AVL9: variants seen among roughly 807,000 people sequenced by gnomAD.
AVL9 encodes AVL9 cell migration associated.
A neutral mutation model predicts 79.2 loss-of-function variants in AVL9; 49 were observed. The observed-to-expected ratio is 0.62, with a 90% CI of 0.49 to 0.79. The LOEUF is 0.79. Among genes scored for constraint, AVL9 ranks in the 30% least tolerant of loss-of-function variants. The probability of loss-of-function intolerance (pLI) is 0.00; values close to 1 mark genes in which losing one functional copy is unlikely to be tolerated. For synonymous variants in AVL9, 299 were observed against 280.6 expected (o/e 1.07, Z -0.65); for missense variants, 682 against 776.8 (o/e 0.88, Z 1.45).
chr7:32,538,991 C>G (rs887867511), intron 1 of AVL9: 3 of 152,168 alleles, frequency 2.0e-5, no homozygotes, highest in Admixed American at 1.3e-4. Flanking sequence ...AGTGCTCACG[C>G]CTATAATCCC....
At chr7:32,543,546 A>G (rs1789315589) in intron 2 of AVL9, among the ~76,000 whole-genome samples, 1 of 151,994 alleles carries the variant, frequency 6.6e-6, no homozygotes, top group South Asian at 2.1e-4. Flanking sequence ...TATACTTCAT[A>G]CTCCTCAGAG....
chr7:32,548,306 C>T (rs1159380366), intron 3 of AVL9, among the ~76,000 whole-genome samples: 1 of 152,030 alleles, frequency 6.6e-6, no homozygotes, highest in Non-Finnish European at 1.5e-5. Flanking sequence ...TGCCACCACA[C>T]CTGGCTGATT....
rs1400246970 is a variant in AVL9, at chr7:32,558,944, G to A, written c.695G>A (p.Gly232Asp). Residue 232 changes from glycine (G) to aspartate (D), a missense_variant, in exon 10 of 16, where the codon GGT (glycine) becomes GAT (aspartate). By Grantham distance (94) the Gly-to-Asp change is moderately conservative. Coordinates refer to ENST00000318709, the MANE Select transcript of AVL9 (RefSeq NM_015060.3). ...LSLFPGMIEH[G>D]LSDCSQYRPR... ...CATATTTTAGGCATGATTGAACATG[G>A]TCTCAGTGACTGTTCTCAGTATAGA... is the stretch of plus-strand genomic sequence containing the variant. 1 of 1,585,400 alleles carries A rather than the reference G, an allele frequency of 6.3e-7. No individual in the cohort carries two copies. Among genetic ancestry groups the A allele is most frequent in the Non-Finnish European group, 8.6e-7 (1 of 1,167,862 alleles).
At chr7:32,526,650 G>A (rs1183918750) in intron 1 of AVL9, among the ~76,000 whole-genome samples, 1 of 152,100 alleles carries the variant, frequency 6.6e-6, no homozygotes, top group Non-Finnish European at 1.5e-5. Context: ...CCAGTTTGGA[G>A]GGTGCATCCT....
chr7:32,576,071 A>G lies in AVL9; in HGVS notation c.1687A>G (p.Asn563Asp). The G allele has an allele frequency of 6.2e-7, 1 of 1,604,210 alleles. No individual in the cohort carries two copies. Among genetic ancestry groups the G allele is most frequent in the Non-Finnish European group, 8.5e-7 (1 of 1,171,050 alleles). Residue 563 changes from asparagine (N) to aspartate (D), a missense_variant and splice_region_variant, in exon 13 of 16, where the codon AAC becomes GAC. Coordinates refer to ENST00000318709, the MANE Select transcript of AVL9 (RefSeq NM_015060.3). ...TCCAGCACTTGCAGAAATAAATCCAAAGTAAGCGCGTCCTCTGAAGATTGA... is the reference window on the plus strand; with the variant it reads ...TCCAGCACTTGCAGAAATAAATCCAGAGTAAGCGCGTCCTCTGAAGATTGA... ...KHPALAEINP[N>D]HPFQGQYSVS... is the part of the protein sequence containing the mutation.
At chr7:32,581,221 T>G in intron 15 of AVL9, 1 of 232,272 alleles carries the variant, frequency 4.3e-6, no homozygotes, top group Non-Finnish European at 8.4e-6. Context: ...AAAGTAGGTA[T>G]TAGGAACTGC....
At chr7:32,561,799 C>G (rs1408720336) in intron 10 of AVL9, among the ~76,000 whole-genome samples, 1 of 152,194 alleles carries the variant, frequency 6.6e-6, no homozygotes, top group East Asian at 1.9e-4. Flanking sequence ...TAAACTTAGT[C>G]ATTTCTAGCT....
intron 3 of AVL9, among the ~76,000 whole-genome samples, chr7:32,548,363 G>T (rs1789633054): frequency 6.6e-6 from 1 of 152,062 alleles, no homozygotes; most frequent in South Asian, 2.1e-4. Context: ...GACCAGGCTG[G>T]TCTCAAACTC....
intron 1 of AVL9, among the ~76,000 whole-genome samples, chr7:32,540,231 C>A (rs1789114850): frequency 6.6e-6 from 1 of 152,196 alleles, no homozygotes; most frequent in South Asian, 2.1e-4. Flanking sequence ...ATAAATTATA[C>A]TGCTATGAAC....
At chr7:32,519,442 GAA>G (rs1788047620) in intron 1 of AVL9, among the ~76,000 whole-genome samples, 1 of 143,702 alleles carries the variant, frequency 7.0e-6, no homozygotes, top group South Asian at 2.2e-4. Flanking sequence ...AAAAAAAAAA[GAA>G]AAGAAATGGA....
chr7:32,580,090 G>T lies in AVL9; in HGVS notation c.1689-129G>T. 4.4e-6 allele frequency: 3 copies of T among 683,332 alleles called. No individual in the cohort carries two copies. The East Asian group carries it at 8.5e-5, about 19-fold the overall frequency. The allele number at this position is 683,332 out of a possible 1,614,324, so 42.3% of individuals were successfully genotyped here. ...AGCTGTGACCAAAGCCAAGTTTCCCGATACCAAACACAGCACTACCACCCA... is the reference window on the plus strand; with the variant it reads ...AGCTGTGACCAAAGCCAAGTTTCCCTATACCAAACACAGCACTACCACCCA... On this transcript the variant is annotated intron_variant, in intron 13 of 15. Coordinates refer to ENST00000318709, the MANE Select transcript of AVL9 (RefSeq NM_015060.3).
At chr7:32,561,309 T>A (rs6957621) in intron 10 of AVL9, among the ~76,000 whole-genome samples, 1 of 152,160 alleles carries the variant, frequency 6.6e-6, no homozygotes, top group Non-Finnish European at 1.5e-5. Context: ...AAATCTGTAA[T>A]CACCTTCATC....
intron 1 of AVL9, among the ~76,000 whole-genome samples, chr7:32,497,424 A>G (rs1786890653): frequency 6.6e-6 from 1 of 152,228 alleles, no homozygotes; most frequent in Admixed American, 6.5e-5. Context: ...TATAACCTGT[A>G]CATCAGGTGT....
chr7:32,502,392 CAAAAA>C (rs70992721), intron 1 of AVL9, among the ~76,000 whole-genome samples: 1 of 114,400 alleles, frequency 8.7e-6, no homozygotes, highest in African/African-American at 3.3e-5. Flanking sequence ...AACCCTTTCT[CAAAAA>C]AAAAAAAAAA....
intron 12 of AVL9, among the ~76,000 whole-genome samples, chr7:32,573,919 C>T (rs1790971936): frequency 6.6e-6 from 1 of 152,068 alleles, no homozygotes; most frequent in Non-Finnish European, 1.5e-5. Context: ...TATTATTATT[C>T]GTATTAAATG....
At chr7:32,572,496 CATA>C (rs1439589617) in intron 11 of AVL9, among the ~76,000 whole-genome samples, 10 of 150,512 alleles carry the variant, frequency 6.6e-5, no homozygotes, top group Non-Finnish European at 1.3e-4. Flanking sequence ...TCAAATATTA[CATA>C]ATAAGATATT....
chr7:32,556,583 T>G (rs1027529958), intron 8 of AVL9, among the ~76,000 whole-genome samples: 2 of 152,064 alleles, frequency 1.3e-5, no homozygotes, highest in Non-Finnish European at 2.9e-5. Flanking sequence ...AGTTTTTTTT[T>G]TAAAAATGAA....
intron 7 of AVL9, among the ~76,000 whole-genome samples, chr7:32,554,283 A>G (rs562339892): frequency 6.6e-6 from 1 of 152,368 alleles, no homozygotes; most frequent in East Asian, 1.9e-4. Flanking sequence ...TTATTTAAAG[A>G]GCAGGGTCCC....
chr7:32,536,973 A>G (rs1400032810), intron 1 of AVL9: 1 of 152,208 alleles, frequency 6.6e-6, no homozygotes, highest in African/African-American at 2.4e-5. Context: ...TCAACAACCC[A>G]GGAACTCACT....
Sources: gnomAD v4.1 joint callset for allele counts (sites outside exome capture counted in the v4.1 genomes callset) on GRCh38, gnomAD v4.1.1 for gene constraint, MANE v1.5 for transcripts, NCBI Gene and HGNC (gene_info 2026-07-23, HGNC 2026-07-21) for gene names.